Variants in TSPAN18 observed in about 807,000 individuals in gnomAD.
The protein encoded by TSPAN18 is tetraspanin-18.
Under a neutral mutation model 27.3 loss-of-function variants are expected in TSPAN18, and 14 were observed. That is an observed-to-expected ratio of 0.51 (90% CI 0.34 to 0.80). The LOEUF (loss-of-function observed/expected upper bound fraction) is 0.80, where lower values mean the gene tolerates loss of function less well. Ranked by LOEUF, TSPAN18 falls within the 30% of genes least tolerant of loss-of-function variation. The pLI, the probability that TSPAN18 is intolerant of heterozygous loss-of-function variation, is 0.01. For missense variants in TSPAN18, 268 were observed against 323.9 expected, an observed-to-expected ratio of 0.83 and a Z score of 1.32; for synonymous variants, 143 against 136.5, an observed-to-expected ratio of 1.05 and a Z score of -0.33.
intron 2 of TSPAN18, among the ~76,000 whole-genome samples, chr11:44,794,541 G>A (rs917695060): frequency 2.0e-5 from 3 of 152,110 alleles, no homozygotes; most frequent in Admixed American, 1.3e-4. Context: ...GGTGGCACAC[G>A]CCTGTAATCC....
intron 3 of TSPAN18, among the ~76,000 whole-genome samples, chr11:44,863,360 G>A (rs942339459): frequency 2.0e-5 from 3 of 152,238 alleles, no homozygotes; most frequent in East Asian, 1.9e-4. Flanking sequence ...AGGCTTGGCC[G>A]TGCTGGGCCT....
intron 2 of TSPAN18, among the ~76,000 whole-genome samples, chr11:44,797,083 G>A (rs1188441472): frequency 6.6e-6 from 1 of 152,032 alleles, no homozygotes; most frequent in Non-Finnish European, 1.5e-5. Context: ...CCATATTCTG[G>A]ATGTTCCTAG....
intron 3 of TSPAN18, among the ~76,000 whole-genome samples, chr11:44,885,319 G>A (rs1248000353): frequency 6.6e-6 from 1 of 152,150 alleles, no homozygotes; most frequent in African/African-American, 2.4e-5. Context: ...ACTAAGACCT[G>A]GAGAAGATAA....
At chr11:44,776,859 T>G (rs1855821490) in intron 2 of TSPAN18, among the ~76,000 whole-genome samples, 1 of 152,166 alleles carries the variant, frequency 6.6e-6, no homozygotes, top group Non-Finnish European at 1.5e-5. Context: ...TCACCATGCT[T>G]CTCTAGATTT....
rs750361293 is a variant in TSPAN18, at chr11:44,880,248, G to A, written c.-11+19779G>A. Reference sequence around the variant, plus strand: ...CCCGCCAATGAACTCCAAGATGTACGGCAGGAATGCTGGAGACTGGGACAG... The same window carrying A: ...CCCGCCAATGAACTCCAAGATGTACAGCAGGAATGCTGGAGACTGGGACAG... On this transcript the variant is annotated intron_variant, in intron 3 of 9. Transcript: ENST00000520358. 5.4e-4 allele frequency among the ~76,000 whole-genome samples: 83 copies of A among 152,312 alleles called. 3 individuals are homozygous for A. The highest frequency in any genetic ancestry group is 4.3e-4 in the Non-Finnish European group (29 of 68,036).
intron 1 of TSPAN18, among the ~76,000 whole-genome samples, chr11:44,733,040 C>T (rs765516131): frequency 6.6e-6 from 1 of 152,150 alleles, no homozygotes; most frequent in Non-Finnish European, 1.5e-5. Flanking sequence ...AAGGGAAAGC[C>T]ACACTAATAC....
chr11:44,736,729 G>A (rs1348991846), intron 1 of TSPAN18: 1 of 152,244 alleles, frequency 6.6e-6, no homozygotes, highest in African/African-American at 2.4e-5. Context: ...CTGCTGTGGA[G>A]GGTTAGGACA....
At chr11:44,736,967 A>G (rs1053814441) in intron 1 of TSPAN18, among the ~76,000 whole-genome samples, 2 of 152,202 alleles carry the variant, frequency 1.3e-5, no homozygotes, top group Non-Finnish European at 2.9e-5. Context: ...TCCTCCATAG[A>G]GTGAGGGCGG....
chr11:44,899,618 G>A (rs1859184770), intron 3 of TSPAN18, among the ~76,000 whole-genome samples: 1 of 152,186 alleles, frequency 6.6e-6, no homozygotes, highest in Admixed American at 6.5e-5. Context: ...CCAGGATGGA[G>A]CCACCATGTG....
Position 44,862,057 on chromosome 11 carries a change from C to T in TSPAN18, c.-11+1588C>T, listed in dbSNP as rs569750141. On this transcript the variant is annotated intron_variant, in intron 3 of 9. Transcript: ENST00000520358. Reference sequence around the variant, plus strand: ...TCATGGCTGAGGGGAGTTTCTTGAGCCTCTTTAGGGTTTTTTGCGCTAAAT... The same window carrying T: ...TCATGGCTGAGGGGAGTTTCTTGAGTCTCTTTAGGGTTTTTTGCGCTAAAT... 2.6e-5 allele frequency among the ~76,000 whole-genome samples: 4 copies of T among 152,166 alleles called. No individual in the cohort carries two copies. In the South Asian group the frequency reaches 8.3e-4, roughly 32 times the overall value.
rs1461691632 is a variant in TSPAN18, at chr11:44,842,944, A to G, written c.-152-17384A>G. ...TCCCCCTTCCCCCACCCTTCCCCCA[A>G]CCAGGTGACTACCATTCTGGCTTCT... On this transcript the variant is annotated intron_variant, in intron 2 of 9. Transcript: ENST00000520358. Among the ~76,000 whole-genome samples, 3 of 151,110 alleles carry G rather than the reference A, an allele frequency of 2.0e-5. No individual in the cohort carries two copies. In the East Asian group the frequency reaches 5.9e-4, roughly 30 times the overall value.
chr11:44,922,850 T>C (rs1239554940), intron 8 of TSPAN18, among the ~76,000 whole-genome samples: 1 of 152,216 alleles, frequency 6.6e-6, no homozygotes, highest in Non-Finnish European at 1.5e-5. Flanking sequence ...GGCTCACGCC[T>C]GTAATCCCAA....
chr11:44,825,973 C>T (rs1252663416), intron 2 of TSPAN18, among the ~76,000 whole-genome samples: 1 of 152,216 alleles, frequency 6.6e-6, no homozygotes, highest in Non-Finnish European at 1.5e-5. Flanking sequence ...AGCTTCTCCT[C>T]TCTCAGCCTG....
chr11:44,817,489 G>T lies in TSPAN18; in HGVS notation c.-152-42839G>T, dbSNP rs540981121. ...GGGCCAGCAGCTGCCTGGACCCTGT[G>T]GTCAGCTCTACGTGTGTTTATGCTG... On this transcript the variant is annotated intron_variant, in intron 2 of 9. Transcript: ENST00000520358. Among the ~76,000 whole-genome samples the T allele has an allele frequency of 6.6e-5, 10 of 152,294 alleles. 2 individuals are homozygous for T. The South Asian group carries it at 2.1e-3, about 32-fold the overall frequency.
At chr11:44,830,803 A>G (rs909990427) in intron 2 of TSPAN18, among the ~76,000 whole-genome samples, 1 of 152,216 alleles carries the variant, frequency 6.6e-6, no homozygotes, top group Non-Finnish European at 1.5e-5. Context: ...ACTTCAGCAC[A>G]CACCCTGTCT....
At chr11:44,771,666 G>A (rs1855692489) in intron 2 of TSPAN18, among the ~76,000 whole-genome samples, 1 of 152,134 alleles carries the variant, frequency 6.6e-6, no homozygotes, top group South Asian at 2.1e-4. Flanking sequence ...TCAACCAACT[G>A]TGAACCAAAA....
intron 3 of TSPAN18, among the ~76,000 whole-genome samples, chr11:44,898,626 G>C (rs571212824): frequency 6.6e-6 from 1 of 152,228 alleles, no homozygotes; most frequent in Non-Finnish European, 1.5e-5. Context: ...TCTTGCTGCC[G>C]GGGGACTCTT....
chr11:44,780,405 C>A (rs189958746), intron 2 of TSPAN18, among the ~76,000 whole-genome samples: 1 of 152,218 alleles, frequency 6.6e-6, no homozygotes, highest in South Asian at 2.1e-4. Flanking sequence ...GTACAAGTGC[C>A]CTCCGAGGCT....
At chr11:44,792,392 C>G (rs1433782040) in intron 2 of TSPAN18, among the ~76,000 whole-genome samples, 1 of 152,112 alleles carries the variant, frequency 6.6e-6, no homozygotes, top group Non-Finnish European at 1.5e-5. Flanking sequence ...AGGGCTGGAG[C>G]CAAGTTCACA....
Sources: allele counts gnomAD v4.1 joint callset (sites outside exome capture counted in the v4.1 genomes callset), GRCh38; gene constraint gnomAD v4.1.1; transcripts MANE v1.5; gene names NCBI Gene and HGNC (gene_info 2026-07-23, HGNC 2026-07-21).